LYST: variants seen among roughly 807,000 people sequenced by gnomAD.
The protein encoded by LYST is lysosomal-trafficking regulator.
LYST carries 192 observed loss-of-function variants against 413.6 expected under a neutral mutation model. The observed-to-expected ratio is 0.46, with a 90% CI of 0.41 to 0.52. The LOEUF (loss-of-function observed/expected upper bound fraction) is 0.52, where lower values mean the gene tolerates loss of function less well. LYST is among the 20% of genes least tolerant of loss of function. The probability of loss-of-function intolerance (pLI) is 0.00; values close to 1 mark genes in which losing one functional copy is unlikely to be tolerated. For synonymous variants in LYST, 1,525 were observed against 1,567.3 expected (o/e 0.97, Z 0.64); for missense variants, 3,815 against 4,499.9 (o/e 0.85, Z 4.35).
rs552928385 is a variant in LYST, at chr1:235,730,999, T to C, written c.8947+33A>G. On this transcript the variant is annotated intron_variant, in intron 35 of 52. Transcript: ENST00000389793. Reference sequence around the variant, plus strand: ...ATCTAATGACCATAGTTCTCTGCTATATTTATATGTTGAGTCAAGAAGCCA... The same window carrying C: ...ATCTAATGACCATAGTTCTCTGCTACATTTATATGTTGAGTCAAGAAGCCA... 302 of 1,610,224 alleles carry C rather than the reference T, an allele frequency of 1.9e-4. 5 individuals are homozygous for C. In the South Asian group the frequency reaches 3.1e-3, roughly 17 times the overall value.
At chr1:235,733,241 T>C (rs1342415393) in intron 34 of LYST, among the ~76,000 whole-genome samples, 2 of 152,170 alleles carry the variant, frequency 1.3e-5, no homozygotes, top group African/African-American at 4.8e-5. Flanking sequence ...ATTTCTCTAT[T>C]CTTTTACAGA....
intron 29 of LYST, among the ~76,000 whole-genome samples, chr1:235,746,057 T>G (rs537058311): frequency 6.6e-6 from 1 of 152,296 alleles, no homozygotes; most frequent in South Asian, 2.1e-4. Context: ...TCTCTCTGTA[T>G]TATTCCTTAA....
In LYST at chr1:235,744,142, A is replaced by G; in HGVS notation, c.7988T>C (p.Ile2663Thr). The G allele has an allele frequency of 6.3e-7, 1 of 1,579,428 alleles. No individual in the cohort carries two copies. The change falls in exon 30 of 53, where the codon ATT becomes ACT. Residue 2663 changes from isoleucine (I) to threonine (T), a missense_variant. By Grantham distance (89) the Ile-to-Thr change is moderately conservative. This residue lies in a region of LYST where 771 missense variants were observed against 837.1 expected (regional missense o/e 0.92). Coordinates refer to ENST00000389793, the MANE Select transcript of LYST (RefSeq NM_000081.4). ...TTCTGGAGTTCTCAAAATGTCAATA[A>G]TGTCTGAATTAAATTCTTTGAATTG... ...RIIYQEFNSD[I>T]IDILRTPENV... is the part of the protein sequence containing the mutation.
intron 21 of LYST, among the ~76,000 whole-genome samples, chr1:235,764,628 T>C (rs1667949933): frequency 6.6e-6 from 1 of 151,536 alleles, no homozygotes; most frequent in African/African-American, 2.4e-5. Context: ...GCCTCCCAAG[T>C]AGCTGGGATT....
At position 235,806,697 on chromosome 1, in the gene LYST, T is replaced by G. The variant is rs1672879623; in HGVS notation, c.2439A>C (p.Arg813=). ...IIELNCLNGI[R]SHSLKAFETL... ...TTTCAAATGCTTTTAGAGAATGACTTCGAATACCATTTAAGCAATTTAATT... is the reference window on the plus strand; with the variant it reads ...TTTCAAATGCTTTTAGAGAATGACTGCGAATACCATTTAAGCAATTTAATT... Residue 813 remains arginine, a synonymous_variant, in exon 6 of 53, where the codon CGA becomes CGC. Coordinates refer to ENST00000389793, the MANE Select transcript of LYST (RefSeq NM_000081.4). 1 of 1,613,562 alleles carries G rather than the reference T, an allele frequency of 6.2e-7. No individual in the cohort carries two copies.
rs773634433 is a variant in LYST at position 235,752,076 on chromosome 1, T to A, written c.7556A>T (p.Tyr2519Phe). 1.9e-5 allele frequency: 31 copies of A among 1,611,080 alleles called. 1 individual carries two copies. The South Asian group carries it at 3.3e-4, about 17-fold the overall frequency. ...AATAAGGTCTTCAATAACCCTAAAATATTGTGAGCCTGAGGAACTGCAAGC... is the reference window on the plus strand; with the variant it reads ...AATAAGGTCTTCAATAACCCTAAAAAATTGTGAGCCTGAGGAACTGCAAGC... ...IHACSSSGSQ[Y>F]FRVIEDLIVM... The change falls in exon 27 of 53, where the codon TAT (tyrosine) becomes TTT (phenylalanine). Residue 2519 changes from tyrosine (Y) to phenylalanine (F), a missense_variant. Around this residue, in one of 4 missense-constraint regions of LYST, gnomAD observed 771 missense variants for 837.1 expected, o/e 0.92. Coordinates refer to ENST00000389793, the MANE Select transcript of LYST (RefSeq NM_000081.4).
At chr1:235,739,572 C>T (rs545900203) in intron 31 of LYST, among the ~76,000 whole-genome samples, 6 of 145,282 alleles carry the variant, frequency 4.1e-5, no homozygotes, top group Non-Finnish European at 7.5e-5. Context: ...ATCCAAGTGT[C>T]ATACTAACTA....
At chr1:235,670,222 C>T (rs144953631) in intron 50 of LYST, among the ~76,000 whole-genome samples, 2 of 152,244 alleles carry the variant, frequency 1.3e-5, no homozygotes, top group East Asian at 1.9e-4. Flanking sequence ...AAGTCTTAGC[C>T]AATAATTGGG....
intron 50 of LYST, among the ~76,000 whole-genome samples, chr1:235,675,860 G>A (rs1462662887): frequency 6.6e-6 from 1 of 152,182 alleles, no homozygotes; most frequent in Non-Finnish European, 1.5e-5. Flanking sequence ...GTTGGTGTCA[G>A]AGAACTGGTT....
chr1:235,808,442 C>CA lies in LYST; in HGVS notation c.2363+12dup, dbSNP rs778504202. On this transcript the variant is annotated intron_variant, in intron 5 of 52. Transcript: ENST00000389793. ...CAACCCCCGCCCCCGCCGCCACCCA[C>CA]ACACATACAAACCTGGATTTAAGCA... is the stretch of plus-strand genomic sequence containing the variant. The CA allele has an allele frequency of 6.2e-7, 1 of 1,612,202 alleles. No homozygotes were observed.
At chr1:235,839,132 C>T (rs574852329) in intron 1 of LYST, among the ~76,000 whole-genome samples, 5 of 150,436 alleles carry the variant, frequency 3.3e-5, no homozygotes, top group East Asian at 2.0e-4. Flanking sequence ...GCCTCATTTT[C>T]GTTCTCTACA....
chr1:235,706,266 T>C (rs1661980956), intron 44 of LYST, among the ~76,000 whole-genome samples: 1 of 152,174 alleles, frequency 6.6e-6, no homozygotes, highest in African/African-American at 2.4e-5. Context: ...ACTTTTTGGC[T>C]TTCCCCTGAA....
intron 10 of LYST, among the ~76,000 whole-genome samples, chr1:235,797,183 T>C (rs1241657875): frequency 7.2e-5 from 11 of 152,140 alleles, no homozygotes; most frequent in Admixed American, 3.9e-4. Context: ...AGCAGCATTA[T>C]ACATAGTAGC....
upstream of LYST, among the ~76,000 whole-genome samples, chr1:235,867,333 A>G (rs777353247): frequency 1.3e-5 from 2 of 152,160 alleles, no homozygotes; most frequent in Non-Finnish European, 2.9e-5. Flanking sequence ...AACCTGTCCC[A>G]TTGTGTAGGT....
chr1:235,835,466 C>G (rs1223375196), intron 1 of LYST, among the ~76,000 whole-genome samples: 2 of 152,174 alleles, frequency 1.3e-5, no homozygotes, highest in African/African-American at 4.8e-5. Context: ...CCGTCTGTTT[C>G]TCTTATCGAG....
intron 42 of LYST, 24 bp from the exon 43 acceptor site, chr1:235,712,221 G>A (rs372953700): frequency 1.2e-5 from 18 of 1,522,770 alleles, no homozygotes; most frequent in East Asian, 4.7e-5. Flanking sequence ...CAAATAATAC[G>A]ATTAAGACAC....
At chr1:235,711,897 C>T (rs1662430760) in intron 43 of LYST, among the ~76,000 whole-genome samples, 160 bp downstream of exon 43, 1 of 151,926 alleles carries the variant, frequency 6.6e-6, no homozygotes, top group African/African-American at 2.4e-5. Flanking sequence ...AATCCTCAAG[C>T]TTATTTGAAA....
chr1:235,701,522 G>T (rs1185933757), intron 45 of LYST, among the ~76,000 whole-genome samples: 2 of 152,162 alleles, frequency 1.3e-5, no homozygotes, highest in Non-Finnish European at 2.9e-5. Context: ...CAGCTACTCG[G>T]GAGGCTGAGG....
chr1:235,764,931 A>C (rs987506766), intron 21 of LYST, among the ~76,000 whole-genome samples: 2 of 152,116 alleles, frequency 1.3e-5, no homozygotes, highest in Admixed American at 6.5e-5. Flanking sequence ...CTTAAAAAAA[A>C]CTGATTATTC....
Sources: allele counts gnomAD v4.1 joint callset (sites outside exome capture counted in the v4.1 genomes callset), GRCh38; gene constraint gnomAD v4.1.1; regional missense constraint gnomAD v4.1.1; transcripts MANE v1.5; gene names NCBI Gene and HGNC (gene_info 2026-07-23, HGNC 2026-07-21).